The following PTPRN2 variants were observed in gnomAD, a reference collection of about 807,000 sequenced individuals.
PTPRN2 encodes the protein receptor-type tyrosine-protein phosphatase N2.
In PTPRN2, 74 loss-of-function variants were observed where a neutral mutation model predicts 118.8. The ratio of observed to expected loss-of-function variants is 0.62; its 90% confidence interval spans 0.52 to 0.76. The LOEUF is 0.76. Among genes scored for constraint, PTPRN2 ranks in the 30% least tolerant of loss-of-function variants. The pLI, the probability that PTPRN2 is intolerant of heterozygous loss-of-function variation, is 0.00. For missense variants in PTPRN2, 1,481 were observed against 1,394.4 expected, an observed-to-expected ratio of 1.06 and a Z score of -0.99; for synonymous variants, 641 against 608.0, an observed-to-expected ratio of 1.05 and a Z score of -0.80.
intron 15 of PTPRN2, among the ~76,000 whole-genome samples, chr7:157,620,022 C>G (rs1303049178): frequency 1.3e-5 from 2 of 152,176 alleles, no homozygotes; most frequent in Admixed American, 6.5e-5. Context: ...GCTGACGAAG[C>G]TCCCTCTGTT....
chr7:157,665,481 G>A (rs1242889845), intron 13 of PTPRN2, among the ~76,000 whole-genome samples: 1 of 152,232 alleles, frequency 6.6e-6, no homozygotes, highest in Non-Finnish European at 1.5e-5. Context: ...TGAGGAGCTG[G>A]ACGGAGGCTC....
chr7:158,308,636 G>A (rs1801475400), intron 3 of PTPRN2, among the ~76,000 whole-genome samples: 1 of 151,434 alleles, frequency 6.6e-6, no homozygotes, highest in Non-Finnish European at 1.5e-5. Context: ...AAATTAAGTT[G>A]GTATTAATTC....
In PTPRN2 at chr7:157,655,074, C is replaced by T. The variant is rs542501180; in HGVS notation, c.2196+1283G>A. ...TGACAGGTCTGCCGAGTGAACTCCACGAGCTGTCTGCTCCCGGGTGTGAAC... is the reference window on the plus strand; with the variant it reads ...TGACAGGTCTGCCGAGTGAACTCCATGAGCTGTCTGCTCCCGGGTGTGAAC... On this transcript the variant is annotated intron_variant, in intron 14 of 22. Transcript: ENST00000389418. Among the ~76,000 whole-genome samples, 32 of 152,374 alleles carry T rather than the reference C, an allele frequency of 2.1e-4. No individual in the cohort carries two copies. In the South Asian group the frequency reaches 2.7e-3, roughly 13 times the overall value.
chr7:157,907,498 C>T (rs1797843283), intron 11 of PTPRN2, among the ~76,000 whole-genome samples: 1 of 147,190 alleles, frequency 6.8e-6, no homozygotes, highest in African/African-American at 2.5e-5. Flanking sequence ...TGTGGGGTGT[C>T]CTGGGTGGCA....
chr7:158,297,497 T>A lies in PTPRN2; in HGVS notation c.277+19322A>T, dbSNP rs145084564. 3.0e-3 allele frequency among the ~76,000 whole-genome samples: 453 copies of A among 152,326 alleles called. 1 individual carries two copies. The highest frequency in any genetic ancestry group is 5.2e-3 in the Non-Finnish European group (354 of 68,030). ...GTGAGCTTGACTTGAGGCTTCATTC[T>A]TCATCAGACACAGAAGCATCTTGTC... On this transcript the variant is annotated intron_variant, in intron 3 of 22. Coordinates refer to ENST00000389418, the MANE Select transcript of PTPRN2 (RefSeq NM_002847.5).
intron 11 of PTPRN2, among the ~76,000 whole-genome samples, chr7:157,984,164 G>A (rs949949406): frequency 6.6e-6 from 1 of 152,026 alleles, no homozygotes; most frequent in Non-Finnish European, 1.5e-5. Context: ...TCAGGGAGTT[G>A]TCCAGGTAAC....
At chr7:158,541,632 G>T (rs1825988880) in intron 1 of PTPRN2, 4 of 1,347,984 alleles carry the variant, frequency 3.0e-6, no homozygotes, top group Non-Finnish European at 3.9e-6. Context: ...CAAGCTCTTT[G>T]CAAAATCTGG....
intron 11 of PTPRN2, among the ~76,000 whole-genome samples, chr7:157,955,057 C>T (rs1296749128): frequency 2.6e-5 from 4 of 152,062 alleles, no homozygotes; most frequent in African/African-American, 7.2e-5. Context: ...GCCAGTGTGC[C>T]TCTCACCGTC....
intron 2 of PTPRN2, among the ~76,000 whole-genome samples, chr7:158,473,440 T>C (rs916457660): frequency 6.6e-6 from 1 of 152,206 alleles, no homozygotes; most frequent in Non-Finnish European, 1.5e-5. Flanking sequence ...CTGCAGCCTC[T>C]GCACGGCCTC....
At chr7:157,836,229 C>T (rs1584823208) in intron 12 of PTPRN2, among the ~76,000 whole-genome samples, 1 of 152,296 alleles carries the variant, frequency 6.6e-6, no homozygotes, top group East Asian at 1.9e-4. Context: ...TAAATGAAGT[C>T]CTAACCCTTG....
intron 2 of PTPRN2, among the ~76,000 whole-genome samples, chr7:158,444,816 T>G (rs116850772): frequency 6.6e-6 from 1 of 152,198 alleles, no homozygotes; most frequent in Non-Finnish European, 1.5e-5. Context: ...ACGGCCATTT[T>G]TGGGATCCCA....
intron 21 of PTPRN2, among the ~76,000 whole-genome samples, chr7:157,553,481 C>T (rs1372769348): frequency 6.6e-6 from 1 of 152,172 alleles, no homozygotes; most frequent in Non-Finnish European, 1.5e-5. Flanking sequence ...GTGGCGTCGT[C>T]GTCCTCACAT....
At chr7:158,336,254 T>C (rs1199324103) in intron 2 of PTPRN2, among the ~76,000 whole-genome samples, 1 of 40,994 alleles carries the variant, frequency 2.4e-5, no homozygotes, top group Admixed American at 2.7e-4. Flanking sequence ...CACACGTCAC[T>C]CGCACTCACA....
chr7:158,333,890 G>A (rs1395126885), intron 2 of PTPRN2, among the ~76,000 whole-genome samples: 1 of 138,944 alleles, frequency 7.2e-6, no homozygotes, highest in Non-Finnish European at 1.5e-5. Context: ...CTCACCATAA[G>A]AGCTGACACC....
intron 12 of PTPRN2, 27 bp downstream of exon 12, chr7:157,898,646 G>C: frequency 1.3e-6 from 2 of 1,550,982 alleles, no homozygotes; most frequent in Non-Finnish European, 1.8e-6. Flanking sequence ...AGATCGCAGA[G>C]CAGACGGCAC....
intron 6 of PTPRN2, among the ~76,000 whole-genome samples, chr7:158,140,972 C>T (rs538408128): frequency 6.6e-6 from 1 of 152,180 alleles, no homozygotes; most frequent in Non-Finnish European, 1.5e-5. Flanking sequence ...CCTTCCCGAA[C>T]GACACCGGCA....
intron 17 of PTPRN2, among the ~76,000 whole-genome samples, chr7:157,579,608 G>A (rs10243931): frequency 0.01 from 1,579 of 152,314 alleles, 27 homozygotes; most frequent in African/African-American, 0.037. Flanking sequence ...ACAGAGCCCC[G>A]TCGACTGGGG....
intron 1 of PTPRN2, among the ~76,000 whole-genome samples, chr7:158,497,945 C>A (rs143035071): frequency 3.9e-5 from 6 of 152,374 alleles, no homozygotes; most frequent in East Asian, 3.9e-4. Flanking sequence ...AGGGCACACA[C>A]AAACATGGAT....
chr7:157,646,407 G>T (rs774195504), intron 14 of PTPRN2, among the ~76,000 whole-genome samples: 6 of 152,100 alleles, frequency 3.9e-5, no homozygotes, highest in African/African-American at 1.4e-4. Context: ...TTTGCCTTCC[G>T]CCATGACTGG....
Sources: allele counts gnomAD v4.1 joint callset (sites outside exome capture counted in the v4.1 genomes callset), GRCh38; gene constraint gnomAD v4.1.1; transcripts MANE v1.5; gene names NCBI Gene and HGNC (gene_info 2026-07-23, HGNC 2026-07-21).